Variants in WDR33 observed in about 807,000 individuals in gnomAD.
The protein encoded by WDR33 is WD repeat domain 33, also known as pre-mRNA 3' end processing protein WDR33.
Under a neutral mutation model 164.9 loss-of-function variants are expected in WDR33, and 47 were observed. The observed-to-expected ratio is 0.29, with a 90% CI of 0.23 to 0.36. The LOEUF (loss-of-function observed/expected upper bound fraction) is 0.36. WDR33 is among the 10% of genes least tolerant of loss of function. WDR33 has a pLI of 1.00. For synonymous variants in WDR33, 505 were observed against 589.0 expected (o/e 0.86, Z 2.06); for missense variants, 1,137 against 1,754.1 (o/e 0.65, Z 6.28).
intron 7 of WDR33, among the ~76,000 whole-genome samples, chr2:127,758,053 A>G (rs746872171): frequency 3.9e-5 from 6 of 152,304 alleles, no homozygotes; most frequent in East Asian, 1.9e-4. Flanking sequence ...AAGTCTCAAT[A>G]TAACTGCTTA....
intron 7 of WDR33, chr2:127,737,452 T>C: frequency 1.0e-6 from 1 of 985,608 alleles, no homozygotes; most frequent in Non-Finnish European, 1.2e-6. Flanking sequence ...TCAGTAACAA[T>C]ATATACAGTC....
intron 1 of WDR33, among the ~76,000 whole-genome samples, chr2:127,793,023 A>G (rs1179334686): frequency 2.6e-5 from 4 of 152,224 alleles, no homozygotes; most frequent in Admixed American, 2.6e-4. Context: ...CATAAAAGTG[A>G]GGAGAAATTT....
chr2:127,703,068 A>G lies in WDR33; in HGVS notation c.*3255T>C, dbSNP rs1348194798. The G allele has an allele frequency of 6.0e-6, 1 of 167,064 alleles. No individual in the cohort carries two copies. The highest frequency in any genetic ancestry group is 2.4e-5 in the African/African-American group (1 of 41,446). The allele number at this position is 167,064 out of a possible 1,614,324, so 10.3% of individuals were successfully genotyped here. A position where few individuals can be genotyped will look rare whatever the true frequency, so the allele number is the denominator to read the frequency against. Reference sequence around the variant, plus strand: ...TTGCTGCTGCCTTCATTTTAGGTTCAGCAGTTACTTTTAACTACCTTAATT... The same window carrying G: ...TTGCTGCTGCCTTCATTTTAGGTTCGGCAGTTACTTTTAACTACCTTAATT... On this transcript the variant is annotated 3_prime_UTR_variant, in exon 22 of 22. Transcript: ENST00000322313.
intron 7 of WDR33, among the ~76,000 whole-genome samples, chr2:127,750,677 A>AAAAT (rs1558936792): frequency 4.8e-4 from 17 of 35,778 alleles, no homozygotes; most frequent in Admixed American, 4.6e-4. Flanking sequence ...AAAAAAAAAA[A>AAAAT]ATATATATAT....
rs1361893045 is a variant in WDR33, at chr2:127,718,265, C to G, written c.2760+1000G>C. Among the ~76,000 whole-genome samples, 1 of 151,902 alleles carries G rather than the reference C, an allele frequency of 6.6e-6. No individual in the cohort carries two copies. The highest frequency in any genetic ancestry group is 1.5e-5 in the Non-Finnish European group (1 of 67,940). On this transcript the variant is annotated intron_variant, in intron 16 of 21. Coordinates refer to ENST00000322313, the MANE Select transcript of WDR33 (RefSeq NM_018383.5). The surrounding 1 kb of genome is among the most constrained non-coding windows in gnomAD (Gnocchi z 4.4). Reference sequence around the variant, plus strand: ...GTGGTATTTGAAAAACCAAAACAGACTGTGCTTTCTACATCTGTAGCATCC... The same window carrying G: ...GTGGTATTTGAAAAACCAAAACAGAGTGTGCTTTCTACATCTGTAGCATCC...
rs1178552373 is a variant in WDR33 at position 127,725,110 on chromosome 2, G to C, written c.957C>G (p.Asn319Lys). 1 of 1,613,654 alleles carries C rather than the reference G, an allele frequency of 6.2e-7. No homozygotes were observed. Among genetic ancestry groups the C allele is most frequent in the Non-Finnish European group, 8.5e-7 (1 of 1,179,918 alleles). The change falls in exon 9 of 22, where the codon AAC (asparagine) becomes AAG (lysine). Residue 319 changes from asparagine (N) to lysine (K), a missense_variant. Asn to Lys is a moderately conservative substitution (Grantham distance 94). Around this residue, in one of 9 missense-constraint regions of WDR33, gnomAD observed 83 missense variants for 189.2 expected, o/e 0.44. Coordinates refer to ENST00000322313, the MANE Select transcript of WDR33 (RefSeq NM_018383.5). ...DHLCKLFDIRNLKEELQVFRG... is the reference protein window; with the variant it reads ...DHLCKLFDIRKLKEELQVFRG... ...GGAAGACTTGAAGCTCTTCTTTTAG[G>C]TTTCTGATATCAAAAAGTTTACAGA...
intron 1 of WDR33, among the ~76,000 whole-genome samples, chr2:127,794,726 A>G (rs1688964226): frequency 1.3e-5 from 2 of 149,620 alleles, no homozygotes; most frequent in Non-Finnish European, 3.0e-5. Context: ...TCCAGCTACT[A>G]AGGAGGCTAA....
At chr2:127,772,726 G>A (rs1386659478) in intron 1 of WDR33, among the ~76,000 whole-genome samples, 2 of 152,140 alleles carry the variant, frequency 1.3e-5, no homozygotes, top group South Asian at 2.1e-4. Flanking sequence ...ATCTGAAGAG[G>A]AAAATGTTAA....
chr2:127,730,896 AT>A (rs747523240), intron 7 of WDR33, among the ~76,000 whole-genome samples: 12 of 151,130 alleles, frequency 7.9e-5, no homozygotes, highest in Non-Finnish European at 1.5e-4. Flanking sequence ...TGAACTCTCG[AT>A]TTTTTTTGTT....
rs568675785 is a variant in WDR33, at chr2:127,747,579, G to A, written c.724+15483C>T. 9.2e-5 allele frequency among the ~76,000 whole-genome samples: 14 copies of A among 152,306 alleles called. No homozygotes were observed. In the East Asian group the frequency reaches 2.7e-3, roughly 29 times the overall value. ...ACATGATGACATTCTCTATTTCTATGGGAAAATTCTATACGCCAGTGGCAA... is the reference window on the plus strand; with the variant it reads ...ACATGATGACATTCTCTATTTCTATAGGAAAATTCTATACGCCAGTGGCAA... On this transcript the variant is annotated intron_variant, in intron 7 of 21. Coordinates refer to ENST00000322313, the MANE Select transcript of WDR33 (RefSeq NM_018383.5).
chr2:127,768,342 G>A (rs376110268), intron 3 of WDR33, 49 bp from the exon 4 acceptor site: 38 of 1,143,476 alleles, frequency 3.3e-5, no homozygotes, highest in Middle Eastern at 2.0e-4. Context: ...TACATACAAG[G>A]CAGAAACCAG....
rs1328285759 is a variant in WDR33 at position 127,713,953 on chromosome 2, C to T, written c.2938G>A (p.Gly980Arg). The T allele has an allele frequency of 5.0e-6, 8 of 1,587,508 alleles. No homozygotes were observed. Among genetic ancestry groups the T allele is most frequent in the East Asian group, 2.2e-5 (1 of 44,726 alleles). Residue 980 changes from glycine (G) to arginine (R), a missense_variant, in exon 18 of 22, where the codon GGG becomes AGG. Physicochemically the swap from Gly to Arg is moderately radical, Grantham distance 125. Coordinates refer to ENST00000322313, the MANE Select transcript of WDR33 (RefSeq NM_018383.5). This position sits in a 1 kb window ranked among gnomAD's most constrained non-coding sequence, Gnocchi z 6.2. ...MSERRHEQSG[G>R]PEHGPERGPF... ...CCCCTCTCGGGCCCATGCTCAGGCCCGCCGCTCTGCTCATGCCGCCTCTCT... is the reference window on the plus strand; with the variant it reads ...CCCCTCTCGGGCCCATGCTCAGGCCTGCCGCTCTGCTCATGCCGCCTCTCT...
At chr2:127,794,317 T>C (rs1359572658) in intron 1 of WDR33, among the ~76,000 whole-genome samples, 1 of 150,558 alleles carries the variant, frequency 6.6e-6, no homozygotes, top group Non-Finnish European at 1.5e-5. Flanking sequence ...TTGGCCAACA[T>C]GGTAAAACCC....
At position 127,790,782 on chromosome 2, in the gene WDR33, G is replaced by A. The variant is rs535439571; in HGVS notation, c.-23-19778C>T. On this transcript the variant is annotated intron_variant, in intron 1 of 21. Coordinates refer to ENST00000322313, the MANE Select transcript of WDR33 (RefSeq NM_018383.5). ...CATGACCCACACCCAGCTTGAATTCGATTTCTTTAATAGATATAGGACTAT... is the reference window on the plus strand; with the variant it reads ...CATGACCCACACCCAGCTTGAATTCAATTTCTTTAATAGATATAGGACTAT... 4.6e-5 allele frequency among the ~76,000 whole-genome samples: 7 copies of A among 152,000 alleles called. No homozygotes were observed. The East Asian group carries it at 5.8e-4, about 13-fold the overall frequency.
intron 7 of WDR33, among the ~76,000 whole-genome samples, chr2:127,731,294 CAAA>C (rs35161101): frequency 0.02 from 1,388 of 70,308 alleles, 5 homozygotes; most frequent in African/African-American, 0.065. Flanking sequence ...GACCCTGCCT[CAAA>C]AAAAAAAAAA....
chr2:127,711,275 A>C (rs535689265), intron 18 of WDR33, among the ~76,000 whole-genome samples: 1 of 152,130 alleles, frequency 6.6e-6, no homozygotes, highest in African/African-American at 2.4e-5. Flanking sequence ...AAATACAAAA[A>C]TTAGCTGGGC....
chr2:127,735,430 G>A lies in WDR33; in HGVS notation c.725-8653C>T. 1.0e-6 allele frequency: 1 copy of A among 985,718 alleles called. No individual in the cohort carries two copies. The highest frequency in any genetic ancestry group is 1.2e-6 in the Non-Finnish European group (1 of 829,864). The allele number at this position is 985,718 out of a possible 1,614,324, so 61.1% of individuals were successfully genotyped here. A position where few individuals can be genotyped will look rare whatever the true frequency, so the allele number is the denominator to read the frequency against. ...TTTGAAGGTCAGAAATGGTGTCCAT[G>A]TTCCCATTTTATTTTTCCTGGATCA... On this transcript the variant is annotated intron_variant, in intron 7 of 21. Coordinates refer to ENST00000322313, the MANE Select transcript of WDR33 (RefSeq NM_018383.5). The surrounding 1 kb of genome is among the most constrained non-coding windows in gnomAD (Gnocchi z 4.3).
intron 1 of WDR33, among the ~76,000 whole-genome samples, chr2:127,787,610 G>C (rs1185709623): frequency 1.1e-5 from 1 of 92,528 alleles, no homozygotes; most frequent in African/African-American, 5.3e-5. Flanking sequence ...AGTAGGGGCG[G>C]CCGGGCAGAG....
intron 1 of WDR33, among the ~76,000 whole-genome samples, chr2:127,783,485 G>A (rs1259601176): frequency 6.6e-6 from 1 of 150,826 alleles, no homozygotes; most frequent in African/African-American, 2.4e-5. Flanking sequence ...CTACCCAGGT[G>A]ATTTTAAAGT....
Sources: gnomAD v4.1 joint callset for allele counts (sites outside exome capture counted in the v4.1 genomes callset) on GRCh38, gnomAD v4.1.1 for gene constraint, gnomAD v4.1.1 regional missense constraint, Gnocchi (gnomAD v3.1) non-coding constraint, MANE v1.5 for transcripts, NCBI Gene and HGNC (gene_info 2026-07-23, HGNC 2026-07-21) for gene names.